Variants in IMMP2L observed in about 807,000 individuals in gnomAD.
The protein encoded by IMMP2L is inner mitochondrial membrane peptidase subunit 2.
In IMMP2L, 18 loss-of-function variants were observed where a neutral mutation model predicts 19.3. The observed-to-expected ratio is 0.93, with a 90% CI of 0.64 to 1.38. The LOEUF is 1.38. Ranked by LOEUF, IMMP2L falls within the 40% of genes most tolerant of loss-of-function variation. The pLI is 0.00. For synonymous variants in IMMP2L, 76 were observed against 73.0 expected, an observed-to-expected ratio of 1.04 and a Z score of -0.21; for missense variants, 233 against 218.2, an observed-to-expected ratio of 1.07 and a Z score of -0.43.
Position 110,908,606 on chromosome 7 carries a change from G to A in IMMP2L, c.306-21911C>T, listed in dbSNP as rs145862116. Among the ~76,000 whole-genome samples, 54 of 152,312 alleles carry A rather than the reference G, an allele frequency of 3.5e-4. No homozygotes were observed. In the East Asian group the frequency reaches 8.9e-3, roughly 25 times the overall value. On this transcript the variant is annotated intron_variant, in intron 4 of 5. Coordinates refer to ENST00000405709, the MANE Select transcript of IMMP2L (RefSeq NM_032549.4). ...ATATCTTTAAAGAACTGTCTCTACT[G>A]TACAAAAGACAAAAGACAAACATCA...
At chr7:111,276,518 T>C (rs957881388) in intron 3 of IMMP2L, among the ~76,000 whole-genome samples, 4 of 151,958 alleles carry the variant, frequency 2.6e-5, no homozygotes, top group African/African-American at 7.2e-5. Context: ...TCCAAGAGGA[T>C]TGGTATTAGT....
chr7:110,860,533 T>C (rs1429252215), intron 5 of IMMP2L, among the ~76,000 whole-genome samples: 3 of 152,242 alleles, frequency 2.0e-5, no homozygotes, highest in East Asian at 1.9e-4. Flanking sequence ...TCTGCAAGCA[T>C]GTTTGTCTAT....
intron 3 of IMMP2L, among the ~76,000 whole-genome samples, chr7:111,466,110 A>G (rs1840632758): frequency 6.6e-6 from 1 of 152,222 alleles, no homozygotes; most frequent in African/African-American, 2.4e-5. Context: ...TCACTCACAG[A>G]TGGGAATTGA....
At chr7:110,668,784 T>C (rs1791633968) in intron 5 of IMMP2L, among the ~76,000 whole-genome samples, 1 of 136,998 alleles carries the variant, frequency 7.3e-6, no homozygotes, top group Non-Finnish European at 1.6e-5. Context: ...GTTTCTTTTT[T>C]TTAATATTGA....
At chr7:110,882,339 T>C (rs1809757632) in intron 5 of IMMP2L, among the ~76,000 whole-genome samples, 3 of 140,752 alleles carry the variant, frequency 2.1e-5, no homozygotes, top group Non-Finnish European at 4.6e-5. Flanking sequence ...CTTCCTTCCT[T>C]CCCTCCTTCC....
intron 3 of IMMP2L, chr7:111,394,983 T>G: frequency 4.1e-6 from 1 of 241,400 alleles, no homozygotes; most frequent in Non-Finnish European, 9.1e-6. Context: ...CACTGTTATA[T>G]GTCACTGTGG....
chr7:110,909,507 G>A (rs1812810901), intron 4 of IMMP2L, among the ~76,000 whole-genome samples: 1 of 152,142 alleles, frequency 6.6e-6, no homozygotes, highest in Non-Finnish European at 1.5e-5. Flanking sequence ...GAAAGCACGA[G>A]AACGGTGCTG....
chr7:111,484,572 A>C (rs1288279084), intron 3 of IMMP2L, among the ~76,000 whole-genome samples: 1 of 152,188 alleles, frequency 6.6e-6, no homozygotes, highest in Admixed American at 6.5e-5. Flanking sequence ...CATTTCTTAA[A>C]TAAATAGGAT....
chr7:110,783,113 T>C (rs1453520002), intron 5 of IMMP2L, among the ~76,000 whole-genome samples: 1 of 151,826 alleles, frequency 6.6e-6, no homozygotes, highest in East Asian at 1.9e-4. Context: ...TTAACAAGAT[T>C]CTTTGTTTTC....
chr7:111,411,048 G>A (rs1834361746), intron 3 of IMMP2L, among the ~76,000 whole-genome samples: 1 of 135,048 alleles, frequency 7.4e-6, no homozygotes. Context: ...ACAAAGCCCA[G>A]GAAGAATAAA....
At chr7:111,087,798 G>A (rs1425779771) in intron 3 of IMMP2L, among the ~76,000 whole-genome samples, 1 of 152,084 alleles carries the variant, frequency 6.6e-6, no homozygotes, top group Non-Finnish European at 1.5e-5. Context: ...TCTTGTTAAA[G>A]GAGGAAAACA....
chr7:110,735,061 C>A (rs1444729688), intron 5 of IMMP2L, among the ~76,000 whole-genome samples: 1 of 152,216 alleles, frequency 6.6e-6, no homozygotes, highest in Admixed American at 6.5e-5. Context: ...CTGACACTTA[C>A]ATAGCCAGCT....
intron 4 of IMMP2L, among the ~76,000 whole-genome samples, chr7:110,937,660 T>C (rs1460042887): frequency 6.6e-6 from 1 of 152,106 alleles, no homozygotes; most frequent in Non-Finnish European, 1.5e-5. Context: ...AGGAGAAAGG[T>C]CACTTTTTGA....
chr7:111,301,351 T>G (rs1779543637), intron 3 of IMMP2L, among the ~76,000 whole-genome samples: 1 of 151,584 alleles, frequency 6.6e-6, no homozygotes, highest in South Asian at 2.1e-4. Context: ...ACTGGGGGTT[T>G]GTTTGTTTTG....
At chr7:110,903,981 C>G (rs1812189331) in intron 4 of IMMP2L, among the ~76,000 whole-genome samples, 1 of 97,886 alleles carries the variant, frequency 1.0e-5, no homozygotes, top group Non-Finnish European at 1.8e-5. Flanking sequence ...TGACATTAAG[C>G]ATTTTTTTTT....
intron 3 of IMMP2L, among the ~76,000 whole-genome samples, chr7:111,059,075 C>T (rs2894590): frequency 0.77 from 116,242 of 151,934 alleles, 47,461 homozygotes; most frequent in Non-Finnish European, 0.9. Flanking sequence ...TTTTGCCTCC[C>T]GGGTTCAAGT....
chr7:111,017,852 A>G (rs1163083532), intron 3 of IMMP2L, among the ~76,000 whole-genome samples: 1 of 152,200 alleles, frequency 6.6e-6, no homozygotes. Flanking sequence ...GTCAGAGAAA[A>G]TACCCATTCA....
intron 3 of IMMP2L, among the ~76,000 whole-genome samples, chr7:110,977,274 A>G (rs1041301341): frequency 6.6e-6 from 1 of 151,964 alleles, no homozygotes; most frequent in Admixed American, 6.6e-5. Flanking sequence ...AATACTAGCT[A>G]TATCACCTTG....
At chr7:111,553,517 C>T (rs907662375) in intron 1 of IMMP2L, among the ~76,000 whole-genome samples, 1 of 152,044 alleles carries the variant, frequency 6.6e-6, no homozygotes, top group Non-Finnish European at 1.5e-5. Flanking sequence ...TTTTAATGTG[C>T]ATATCATGAA....
Sources: allele counts gnomAD v4.1 joint callset (sites outside exome capture counted in the v4.1 genomes callset), GRCh38; gene constraint gnomAD v4.1.1; transcripts MANE v1.5; gene names NCBI Gene and HGNC (gene_info 2026-07-23, HGNC 2026-07-21).